The following PVALB variants were observed in gnomAD, a reference collection of about 807,000 sequenced individuals.
The protein encoded by PVALB is parvalbumin alpha.
A neutral mutation model predicts 10.9 loss-of-function variants in PVALB; 11 were observed. The observed-to-expected ratio is 1.01, with a 90% CI of 0.63 to 1.67. The LOEUF is 1.67. Among genes scored for constraint, PVALB ranks in the 40% most tolerant of loss-of-function variants. The pLI is 0.00. For missense variants in PVALB, 131 were observed against 136.2 expected (o/e 0.96, Z 0.19); for synonymous variants, 57 against 50.7 (o/e 1.12, Z -0.53).
intron 2 of PVALB, among the ~76,000 whole-genome samples, chr22:36,814,395 C>T (rs953266527): frequency 2.6e-5 from 4 of 151,932 alleles, no homozygotes; most frequent in African/African-American, 9.7e-5. Flanking sequence ...AGGGGAGAGA[C>T]AGGATGGGTG....
chr22:36,816,661 G>T (rs570901468), intron 1 of PVALB, among the ~76,000 whole-genome samples: 2 of 152,348 alleles, frequency 1.3e-5, no homozygotes, highest in African/African-American at 4.8e-5. Flanking sequence ...CTTCGCCCTT[G>T]GTCCCGGACC....
intron 3 of PVALB, chr22:36,811,541 G>A (rs983815362): frequency 4.8e-5 from 22 of 461,398 alleles, no homozygotes; most frequent in African/African-American, 4.3e-4. Context: ...GAAGAGTTTA[G>A]TTGATGCCTT....
chr22:36,806,062 A>G (rs1275757283), intron 3 of PVALB, among the ~76,000 whole-genome samples: 1 of 152,078 alleles, frequency 6.6e-6, no homozygotes, highest in Non-Finnish European at 1.5e-5. Context: ...TAAGGGCTCC[A>G]TAAGATAATG....
At chr22:36,807,925 G>T (rs577556581) in intron 3 of PVALB, among the ~76,000 whole-genome samples, 9 of 152,150 alleles carry the variant, frequency 5.9e-5, no homozygotes, top group African/African-American at 1.4e-4. Flanking sequence ...GGGGTGGGGG[G>T]GTTGCAAGGT....
At chr22:36,813,865 C>A in intron 2 of PVALB, 110 bp from the exon 3 acceptor site, 1 of 849,430 alleles carries the variant, frequency 1.2e-6, no homozygotes, top group Non-Finnish European at 2.0e-6. Flanking sequence ...ATGGCTGGGA[C>A]AGGCAGCGAG....
At position 36,815,120 on chromosome 22, in the gene PVALB, G is replaced by C; in HGVS notation, c.177C>G (p.Ile59Met). Residue 59 changes from isoleucine to methionine, a missense_variant, in exon 2 of 4, where the codon ATC becomes ATG. By Grantham distance (10) the Ile-to-Met change is conservative. Transcript: ENST00000417718. The stretch of plus-strand genomic sequence containing the variant: ...CCGCTTACCCCAGCTCATCCTCCTC[G>C]ATGAAGCCACTTTTGTCCTTGTCCA... ...HMLDKDKSGF[I>M]EEDELGFILK... The C allele has an allele frequency of 6.2e-7, 1 of 1,614,072 alleles. No individual in the cohort carries two copies. The highest frequency in any genetic ancestry group is 1.1e-5 in the South Asian group (1 of 91,058).
At chr22:36,804,059 G>A (rs1053380169) in intron 3 of PVALB, among the ~76,000 whole-genome samples, 6 of 152,178 alleles carry the variant, frequency 3.9e-5, no homozygotes, top group African/African-American at 1.2e-4. Flanking sequence ...CTCTGTCCTG[G>A]GATAAAGGAT....
chr22:36,811,542 T>C (rs1018005957), intron 3 of PVALB: 2 of 470,238 alleles, frequency 4.3e-6, no homozygotes, highest in Non-Finnish European at 4.4e-6. Flanking sequence ...AAGAGTTTAG[T>C]TGATGCCTTA....
intron 3 of PVALB, 173 bp downstream of exon 3, chr22:36,813,473 C>A: frequency 1.7e-6 from 1 of 573,410 alleles, no homozygotes; most frequent in Non-Finnish European, 3.2e-6. Context: ...TTTCCTTTGT[C>A]TGGAGTATGT....
intron 3 of PVALB, among the ~76,000 whole-genome samples, chr22:36,808,724 C>T (rs145682595): frequency 8.5e-5 from 13 of 152,274 alleles, no homozygotes; most frequent in African/African-American, 3.1e-4. Context: ...CAGCTGGAGA[C>T]CTGTTGTGAA....
intron 3 of PVALB, among the ~76,000 whole-genome samples, chr22:36,808,096 G>C (rs1050839985): frequency 6.6e-6 from 1 of 152,226 alleles, no homozygotes; most frequent in African/African-American, 2.4e-5. Flanking sequence ...GTGTGCACAC[G>C]GGGCATGCGG....
chr22:36,814,252 G>A (rs552988760), intron 2 of PVALB, among the ~76,000 whole-genome samples: 4 of 145,782 alleles, frequency 2.7e-5, no homozygotes, highest in African/African-American at 1.0e-4. Flanking sequence ...AGGACAGGGG[G>A]AAGTCAGCCT....
chr22:36,812,848 T>C (rs1032635962), intron 3 of PVALB, among the ~76,000 whole-genome samples: 1 of 152,176 alleles, frequency 6.6e-6, no homozygotes, highest in African/African-American at 2.4e-5. Context: ...ACCTTCAAAG[T>C]CCATTTGCCC....
rs1192380408 is a variant in PVALB, at chr22:36,802,621, A to AG, written c.305-1704_305-1703insC. ...TCTCACACAAAAAAAAAAAAAAAAAAAAAAAGAAAGAAACAACCTGGCACT... is the reference window on the plus strand; with the variant it reads ...TCTCACACAAAAAAAAAAAAAAAAAAGAAAAAGAAAGAAACAACCTGGCACT... On this transcript the variant is annotated intron_variant, in intron 3 of 3. Coordinates refer to ENST00000417718, the MANE Select transcript of PVALB (RefSeq NM_001315532.2). Among the ~76,000 whole-genome samples, 249 of 150,720 alleles carry AG rather than the reference A, an allele frequency of 1.7e-3. 3 individuals are homozygous for AG. Among genetic ancestry groups the AG allele is most frequent in the African/African-American group, 5.9e-3 (241 of 40,922 alleles).
In PVALB at chr22:36,816,907, G is replaced by GT. The variant is rs748112282; in HGVS notation, c.61+37_61+38insA. On this transcript the variant is annotated intron_variant, in intron 1 of 3. Coordinates refer to ENST00000417718, the MANE Select transcript of PVALB (RefSeq NM_001315532.2). ...GAGTGCAGGGGCGCGGGCGGTGGAC[G>GT]AGGGGAGAGGGATGGGGAGGGGAGC... The GT allele has an allele frequency of 5.8e-6, 9 of 1,560,166 alleles. No individual in the cohort carries two copies. In the South Asian group the frequency reaches 1.0e-4, roughly 18 times the overall value.
chr22:36,804,018 C>G (rs1442854078), intron 3 of PVALB, among the ~76,000 whole-genome samples: 2 of 152,238 alleles, frequency 1.3e-5, no homozygotes, highest in Admixed American at 6.5e-5. Flanking sequence ...TCATCCAGCA[C>G]TGGCATTCCC....
At chr22:36,816,237 G>A (rs1339725088) in intron 1 of PVALB, 1 of 152,296 alleles carries the variant, frequency 6.6e-6, no homozygotes, top group East Asian at 1.9e-4. Flanking sequence ...CTCCAAGACA[G>A]TTCCCTGATT....
intron 3 of PVALB, among the ~76,000 whole-genome samples, chr22:36,812,681 C>T (rs2145952170): frequency 6.6e-6 from 1 of 152,274 alleles, no homozygotes; most frequent in Non-Finnish European, 1.5e-5. Flanking sequence ...AGCCTGGGGC[C>T]CAGAGGCCAA....
At chr22:36,815,573 A>G (rs1795618857) in intron 1 of PVALB, among the ~76,000 whole-genome samples, 1 of 151,970 alleles carries the variant, frequency 6.6e-6, no homozygotes, top group South Asian at 2.1e-4. Flanking sequence ...TGTGCCCAGG[A>G]AGACTTTTGA....
Sources: allele counts gnomAD v4.1 joint callset (sites outside exome capture counted in the v4.1 genomes callset), GRCh38; gene constraint gnomAD v4.1.1; transcripts MANE v1.5; gene names NCBI Gene and HGNC (gene_info 2026-07-23, HGNC 2026-07-21).